The following CPO variants were observed in gnomAD, a reference collection of about 807,000 sequenced individuals.
CPO encodes metallocarboxypeptidase C.
A neutral mutation model predicts 41.2 loss-of-function variants in CPO; 43 were observed. That is an observed-to-expected ratio of 1.04 (90% CI 0.82 to 1.35). CPO has a LOEUF of 1.35. Ranked by LOEUF, CPO falls within the 40% of genes most tolerant of loss-of-function variation. The pLI is 0.00. For synonymous variants in CPO, 178 were observed against 162.7 expected, an observed-to-expected ratio of 1.09 and a Z score of -0.72; for missense variants, 408 against 451.7, an observed-to-expected ratio of 0.90 and a Z score of 0.88.
chr2:206,943,511 T>G (rs935494394), intron 1 of CPO, among the ~76,000 whole-genome samples: 25 of 152,200 alleles, frequency 1.6e-4, no homozygotes, highest in African/African-American at 5.8e-4. Flanking sequence ...TTTGGACGAT[T>G]TTTTAGCCCC....
At chr2:206,968,432 G>T (rs1315103848) in intron 8 of CPO, 85 bp downstream of exon 8, 1 of 767,010 alleles carries the variant, frequency 1.3e-6, no homozygotes, top group East Asian at 2.6e-5. Context: ...GGCGGGAGAG[G>T]AACAGAAGAG....
intron 1 of CPO, among the ~76,000 whole-genome samples, chr2:206,942,114 C>T (rs1207357650): frequency 6.6e-6 from 1 of 152,020 alleles, no homozygotes; most frequent in Non-Finnish European, 1.5e-5. Context: ...ATAAATGATA[C>T]TATGTAACAT....
intron 8 of CPO, 90 bp from the exon 9 acceptor site, chr2:206,969,084 C>T (rs1693635278): frequency 3.8e-6 from 5 of 1,302,466 alleles, no homozygotes; most frequent in African/African-American, 1.5e-5. Flanking sequence ...CTTTATTTTA[C>T]TAAGTGAACC....
intron 2 of CPO, among the ~76,000 whole-genome samples, chr2:206,955,245 T>C (rs1382630231): frequency 6.6e-6 from 1 of 152,254 alleles, no homozygotes; most frequent in African/African-American, 2.4e-5. Context: ...AACTTATTGG[T>C]AAAGTGCAGT....
intron 7 of CPO, among the ~76,000 whole-genome samples, chr2:206,967,603 T>G (rs369775388): frequency 1.3e-5 from 2 of 152,038 alleles, no homozygotes; most frequent in East Asian, 1.9e-4. Flanking sequence ...GGAAATATCC[T>G]GAGGAAAGAT....
chr2:206,962,461 G>T lies in CPO; in HGVS notation c.624G>T (p.Gly208=). 14 of 1,614,106 alleles carry T rather than the reference G, an allele frequency of 8.7e-6. No individual in the cohort carries two copies. The highest frequency in any genetic ancestry group is 1.2e-5 in the Non-Finnish European group (14 of 1,179,978). The change falls in exon 7 of 9, where the codon GGG becomes GGT. Residue 208 remains glycine, a synonymous_variant. Transcript: ENST00000272852. ...NCQDQTFCGT[G]PVSEPETKAV... ...AAGATCAAACATTCTGTGGGACAGG[G>T]CCAGTGTCTGAACCAGAGACTAAAG...
chr2:206,969,112 C>G, intron 8 of CPO, 62 bp from the exon 9 acceptor site: 7 of 1,530,802 alleles, frequency 4.6e-6, no homozygotes, highest in Non-Finnish European at 6.3e-6. Flanking sequence ...CCTGAAATGG[C>G]TATAGAAATC....
chr2:206,958,995 T>C (rs7604912), intron 4 of CPO, among the ~76,000 whole-genome samples: 64,487 of 151,512 alleles, frequency 0.43, 14,083 homozygotes, highest in Non-Finnish European at 0.48. Flanking sequence ...CCTACCTCGG[T>C]CTCCCAAAGT....
At chr2:206,946,373 G>A (rs1046225858) in intron 1 of CPO, among the ~76,000 whole-genome samples, 1 of 152,064 alleles carries the variant, frequency 6.6e-6, no homozygotes, top group African/African-American at 2.4e-5. Flanking sequence ...GGCTGAAGAA[G>A]AAACATAACA....
intron 1 of CPO, among the ~76,000 whole-genome samples, chr2:206,946,818 G>A (rs577113928): frequency 6.6e-6 from 1 of 152,078 alleles, no homozygotes; most frequent in East Asian, 1.9e-4. Flanking sequence ...AACATCAATG[G>A]ACAAGTAAAA....
chr2:206,941,707 C>T (rs2359858), intron 1 of CPO, among the ~76,000 whole-genome samples: 30,027 of 151,972 alleles, frequency 0.2, 3,551 homozygotes, highest in Non-Finnish European at 0.27. Context: ...ATGTAACTCT[C>T]GCCAACTCAA....
chr2:206,950,753 G>A (rs986666054), intron 2 of CPO, among the ~76,000 whole-genome samples: 1 of 152,092 alleles, frequency 6.6e-6, no homozygotes, highest in Non-Finnish European at 1.5e-5. Context: ...CCATAAAAAA[G>A]GATGAGTTCA....
chr2:206,949,653 G>C lies in CPO; in HGVS notation c.105G>C (p.Lys35Asn). 1 of 1,613,588 alleles carries C rather than the reference G, an allele frequency of 6.2e-7. No individual in the cohort carries two copies. Among genetic ancestry groups the C allele is most frequent in the Middle Eastern group, 1.7e-4 (1 of 6,060 alleles). ...AACACAGACAAGAGATTGTGGACAA[G>C]TCAGTGAGTCCATGGAGCCTGGAGA... ...LAQHRQEIVD[K>N]SVSPWSLETY... Residue 35 changes from lysine to asparagine, a missense_variant, in exon 2 of 9, where the codon AAG (lysine) becomes AAC (asparagine). Transcript: ENST00000272852.
chr2:206,961,959 G>C (rs527345559), intron 6 of CPO, among the ~76,000 whole-genome samples: 1 of 151,440 alleles, frequency 6.6e-6, no homozygotes, highest in African/African-American at 2.4e-5. Flanking sequence ...AATTAGCCTC[G>C]CGTGGTGGCG....
chr2:206,959,391 G>A (rs1484090616), intron 4 of CPO, among the ~76,000 whole-genome samples: 2 of 152,122 alleles, frequency 1.3e-5, no homozygotes, highest in African/African-American at 2.4e-5. Flanking sequence ...GATGGCAGGA[G>A]GTGAATGGGG....
At chr2:206,967,368 TATAG>T (rs1353868554) in intron 7 of CPO, among the ~76,000 whole-genome samples, 1 of 149,120 alleles carries the variant, frequency 6.7e-6, no homozygotes, top group Non-Finnish European at 1.5e-5. Flanking sequence ...TAGATATAGA[TATAG>T]ATATAGATAT....
chr2:206,945,593 G>A (rs1232864072), intron 1 of CPO, among the ~76,000 whole-genome samples: 2 of 152,056 alleles, frequency 1.3e-5, no homozygotes, highest in Non-Finnish European at 2.9e-5. Context: ...TGTAACATAT[G>A]GAGAATAACA....
intron 1 of CPO, 136 bp from the exon 2 acceptor site, chr2:206,949,481 G>T: frequency 1.6e-6 from 1 of 613,222 alleles, no homozygotes. Context: ...AAGTCACAGA[G>T]CCAAAGACTC....
At chr2:206,954,238 T>C (rs1693317849) in intron 2 of CPO, among the ~76,000 whole-genome samples, 1 of 152,186 alleles carries the variant, frequency 6.6e-6, no homozygotes, top group African/African-American at 2.4e-5. Flanking sequence ...TTCTATCGCA[T>C]TGTCAGGCTG....
Sources: allele counts gnomAD v4.1 joint callset (sites outside exome capture counted in the v4.1 genomes callset), GRCh38; gene constraint gnomAD v4.1.1; transcripts MANE v1.5; gene names NCBI Gene and HGNC (gene_info 2026-07-23, HGNC 2026-07-21).